ZNF385B: variants seen among roughly 807,000 people sequenced by gnomAD.
ZNF385B encodes the protein zinc finger protein 385B.
In ZNF385B, 23 loss-of-function variants were observed where a neutral mutation model predicts 39.2. The observed-to-expected ratio is 0.59, with a 90% CI of 0.42 to 0.83. The LOEUF is 0.83. ZNF385B is among the 40% of genes least tolerant of loss of function. The pLI, the probability that ZNF385B is intolerant of heterozygous loss-of-function variation, is 0.00. For missense variants in ZNF385B, 552 were observed against 598.9 expected, an observed-to-expected ratio of 0.92 and a Z score of 0.82; for synonymous variants, 205 against 222.6, an observed-to-expected ratio of 0.92 and a Z score of 0.70.
chr2:179,467,292 C>G (rs2105501177), intron 6 of ZNF385B, among the ~76,000 whole-genome samples: 1 of 152,272 alleles, frequency 6.6e-6, no homozygotes, highest in African/African-American at 2.4e-5. Flanking sequence ...ATAGTACAGG[C>G]TGCTTTAGCT....
intron 5 of ZNF385B, among the ~76,000 whole-genome samples, chr2:179,489,930 A>G (rs2055025163): frequency 1.3e-5 from 2 of 152,224 alleles, no homozygotes; most frequent in Admixed American, 6.5e-5. Context: ...GTCTTTGCTA[A>G]TTGCTAATTT....
intron 3 of ZNF385B, among the ~76,000 whole-genome samples, chr2:179,707,472 T>C (rs887844305): frequency 1.3e-5 from 2 of 152,184 alleles, no homozygotes; most frequent in African/African-American, 4.8e-5. Context: ...AATTACAGAC[T>C]ATGGAGGAAT....
In ZNF385B at chr2:179,769,702, G is replaced by A. The variant is rs1703903533; in HGVS notation, c.99C>T (p.Asp33=). The A allele has an allele frequency of 6.2e-7, 1 of 1,614,062 alleles. No homozygotes were observed. Among genetic ancestry groups the A allele is most frequent in the South Asian group, 1.1e-5 (1 of 91,078 alleles). Residue 33 remains aspartate, a synonymous_variant, in exon 3 of 10, where the codon GAC becomes GAT. Coordinates refer to ENST00000410066, the MANE Select transcript of ZNF385B (RefSeq NM_152520.6). ...CTTTGCTCAACTGGTCCTCAGGCCT[G>A]TCGTTCTTTATCCCCTTTTCTTCAA... ...RGFEEKGIKN[D]RPEDQLSKEK...
At chr2:179,747,946 G>A (rs1308777733) in intron 3 of ZNF385B, among the ~76,000 whole-genome samples, 1 of 152,030 alleles carries the variant, frequency 6.6e-6, no homozygotes. Context: ...TTCATGTCAC[G>A]TTTTCCCATC....
At chr2:179,622,053 C>T (rs1192811334) in intron 3 of ZNF385B, among the ~76,000 whole-genome samples, 2 of 152,154 alleles carry the variant, frequency 1.3e-5, no homozygotes, top group East Asian at 1.9e-4. Flanking sequence ...TTACAAGTTA[C>T]AGCTCCTCAG....
rs536452994 is a variant in ZNF385B at position 179,620,775 on chromosome 2, T to C, written c.299-75806A>G. 4.6e-5 allele frequency among the ~76,000 whole-genome samples: 7 copies of C among 152,316 alleles called. No individual in the cohort carries two copies. In the South Asian group the frequency reaches 1.0e-3, roughly 23 times the overall value. ...TTAAGACTTTGTTGAGATGGCTTTG[T>C]ATTCCTGAGGCCTTCTCTAATTTTT... On this transcript the variant is annotated intron_variant, in intron 3 of 9. Coordinates refer to ENST00000410066, the MANE Select transcript of ZNF385B (RefSeq NM_152520.6).
At chr2:179,632,865 G>A (rs1367343814) in intron 3 of ZNF385B, among the ~76,000 whole-genome samples, 1 of 152,132 alleles carries the variant, frequency 6.6e-6, no homozygotes, top group Admixed American at 6.5e-5. Flanking sequence ...AAATGATAAA[G>A]GGGATATCAC....
intron 3 of ZNF385B, among the ~76,000 whole-genome samples, chr2:179,670,291 C>CAAA (rs35600247): frequency 0.039 from 3,933 of 100,436 alleles, 150 homozygotes; most frequent in Middle Eastern, 0.074. Flanking sequence ...GACTCCGTCT[C>CAAA]AAAAAAAAAA....
chr2:179,774,757 G>A (rs1704216064), intron 1 of ZNF385B, among the ~76,000 whole-genome samples: 2 of 152,172 alleles, frequency 1.3e-5, no homozygotes, highest in South Asian at 4.1e-4. Context: ...GCTCCCCAAG[G>A]AAAAAGTATC....
At chr2:179,473,402 ACTTT>A (rs928899660) in intron 6 of ZNF385B, among the ~76,000 whole-genome samples, 6 of 152,198 alleles carry the variant, frequency 3.9e-5, no homozygotes, top group African/African-American at 1.4e-4. Context: ...ACAAATGGTT[ACTTT>A]TTATGGCTAC....
chr2:179,446,561 CA>C lies in ZNF385B; in HGVS notation c.924del (p.Val309Ter), dbSNP rs1344128368. ...GCCTCTAGCTGTGACAGGGAGTTCA[CA>C]GCCACTTTGCATAGTGAACAATAAA... ...KLLYCSLCKV[A>X]VNSLSQLEAH... is the part of the protein sequence containing the mutation. On this transcript the variant is annotated frameshift_variant, in exon 7 of 10. Coordinates refer to ENST00000410066, the MANE Select transcript of ZNF385B (RefSeq NM_152520.6). LOFTEE classifies it high-confidence loss of function. 2 of 1,613,990 alleles carry C rather than the reference CA, an allele frequency of 1.2e-6. No homozygotes were observed. The highest frequency in any genetic ancestry group is 2.7e-5 in the African/African-American group (2 of 74,920).
intron 1 of ZNF385B, among the ~76,000 whole-genome samples, chr2:179,790,480 T>C (rs7605075): frequency 0.29 from 44,606 of 152,096 alleles, 6,789 homozygotes; most frequent in African/African-American, 0.34. Flanking sequence ...ATTTGTGTAA[T>C]TGATGGAATG....
At chr2:179,596,540 T>G (rs1361196139) in intron 3 of ZNF385B, among the ~76,000 whole-genome samples, 1 of 152,138 alleles carries the variant, frequency 6.6e-6, no homozygotes, top group African/African-American at 2.4e-5. Context: ...ATCGTTGGCT[T>G]CTGTTGAGAT....
At chr2:179,576,724 G>C (rs1685864056) in intron 3 of ZNF385B, among the ~76,000 whole-genome samples, 1 of 152,164 alleles carries the variant, frequency 6.6e-6, no homozygotes, top group African/African-American at 2.4e-5. Context: ...TGACTTCAGA[G>C]AAAACTGGTG....
chr2:179,734,440 C>T (rs1701608783), intron 3 of ZNF385B, among the ~76,000 whole-genome samples: 1 of 152,158 alleles, frequency 6.6e-6, no homozygotes, highest in African/African-American at 2.4e-5. Context: ...TACTAGGTAG[C>T]TCATTGTGCT....
At chr2:179,543,732 T>G (rs1559445967) in intron 4 of ZNF385B, among the ~76,000 whole-genome samples, 1 of 152,144 alleles carries the variant, frequency 6.6e-6, no homozygotes. Flanking sequence ...TTTAACTGTT[T>G]ACTCACTACA....
chr2:179,788,380 G>C (rs1023148901), intron 1 of ZNF385B, among the ~76,000 whole-genome samples: 6 of 152,128 alleles, frequency 3.9e-5, no homozygotes, highest in African/African-American at 1.2e-4. Context: ...GATAGATTTA[G>C]ACCAGAGACT....
intron 3 of ZNF385B, among the ~76,000 whole-genome samples, chr2:179,667,981 C>A (rs1345953867): frequency 2.0e-5 from 3 of 152,200 alleles, no homozygotes; most frequent in Non-Finnish European, 4.4e-5. Flanking sequence ...TGCAACCAAA[C>A]AAATCCTAAT....
intron 3 of ZNF385B, among the ~76,000 whole-genome samples, chr2:179,582,860 GTTT>G (rs973107386): frequency 1.8e-4 from 28 of 152,158 alleles, no homozygotes; most frequent in African/African-American, 6.3e-4. Flanking sequence ...TGTTGTTGTT[GTTT>G]TTTGAGATGG....
Sources: allele counts gnomAD v4.1 joint callset (sites outside exome capture counted in the v4.1 genomes callset), GRCh38; gene constraint gnomAD v4.1.1; transcripts MANE v1.5; gene names NCBI Gene and HGNC (gene_info 2026-07-23, HGNC 2026-07-21).